Variants in CREM observed in about 807,000 individuals in gnomAD.
CREM encodes the protein cAMP-responsive element modulator.
In CREM, 13 loss-of-function variants were observed where a neutral mutation model predicts 37.3. The observed-to-expected ratio is 0.35, with a 90% confidence interval of 0.23 to 0.55. The LOEUF (loss-of-function observed/expected upper bound fraction) is 0.55, where lower values mean the gene tolerates loss of function less well. Among genes scored for constraint, CREM ranks in the 20% least tolerant of loss-of-function variants. CREM has a pLI of 0.88. For missense variants in CREM, 296 were observed against 362.3 expected (o/e 0.82, Z 1.49); for synonymous variants, 124 against 120.2 (o/e 1.03, Z -0.21).
At chr10:35,170,291 A>C (rs2093748954) in intron 3 of CREM, among the ~76,000 whole-genome samples, 1 of 152,050 alleles carries the variant, frequency 6.6e-6, no homozygotes, top group African/African-American at 2.4e-5. Context: ...GTGCTGCTGG[A>C]TTCAGTTTGC....
At chr10:35,142,152 A>AG (rs2091519644) in intron 2 of CREM, among the ~76,000 whole-genome samples, 1 of 152,154 alleles carries the variant, frequency 6.6e-6, no homozygotes, top group African/African-American at 2.4e-5. Flanking sequence ...GAGAAGGGGA[A>AG]GAGAGGTTCA....
chr10:35,131,127 CAG>C (rs760063973), intron 1 of CREM, among the ~76,000 whole-genome samples: 2 of 152,052 alleles, frequency 1.3e-5, no homozygotes, highest in South Asian at 4.2e-4. Flanking sequence ...ATCCTCTTGT[CAG>C]ACTTTTTTGA....
chr10:35,137,788 T>C lies in CREM; in HGVS notation c.-48T>C. 2 of 1,446,986 alleles carry C rather than the reference T, an allele frequency of 1.4e-6. No individual in the cohort carries two copies. Among genetic ancestry groups the C allele is most frequent in the Non-Finnish European group, 1.9e-6 (2 of 1,067,348 alleles). The allele number at this position is 1,446,986 out of a possible 1,614,324, so 89.6% of individuals were successfully genotyped here. On this transcript the variant is annotated 5_prime_UTR_variant, in exon 2 of 8. Coordinates refer to ENST00000685392, the MANE Select transcript of CREM (RefSeq NM_183011.2). Reference sequence around the variant, plus strand: ...CATTATAATTTTACTGCAGGATAAATAAAGAAAACAGGAAAGGAGGAAAGC... The same window carrying C: ...CATTATAATTTTACTGCAGGATAAACAAAGAAAACAGGAAAGGAGGAAAGC...
intron 6 of CREM, among the ~76,000 whole-genome samples, chr10:35,197,737 G>A (rs1318716477): frequency 6.6e-6 from 1 of 152,194 alleles, no homozygotes; most frequent in Non-Finnish European, 1.5e-5. Context: ...GATTACAGGC[G>A]TGAGCCACCG....
intron 3 of CREM, among the ~76,000 whole-genome samples, chr10:35,158,803 T>TG (rs2093086918): frequency 7.7e-6 from 1 of 129,042 alleles, no homozygotes; most frequent in Non-Finnish European, 1.7e-5. Flanking sequence ...ATAGTGTTTT[T>TG]TTTTTGTTGT....
intron 7 of CREM, among the ~76,000 whole-genome samples, 186 bp downstream of exon 7, chr10:35,207,237 C>T (rs1476086213): frequency 6.6e-6 from 1 of 150,564 alleles, no homozygotes; most frequent in African/African-American, 2.4e-5. Context: ...CTAAAAAATA[C>T]AAAAAAATTC....
At chr10:35,192,654 G>A (rs192100680) in intron 6 of CREM, among the ~76,000 whole-genome samples, 1 of 151,828 alleles carries the variant, frequency 6.6e-6, no homozygotes, top group Non-Finnish European at 1.5e-5. Flanking sequence ...TGGTGTCTGG[G>A]GTCTTTTTAA....
chr10:35,191,237 A>G (rs1455475925), intron 6 of CREM, among the ~76,000 whole-genome samples: 1 of 151,604 alleles, frequency 6.6e-6, no homozygotes, highest in Non-Finnish European at 1.5e-5. Context: ...TTTGTATTGT[A>G]TTTTCTAATT....
At chr10:35,164,682 T>C (rs954498380) in intron 3 of CREM, among the ~76,000 whole-genome samples, 1 of 152,210 alleles carries the variant, frequency 6.6e-6, no homozygotes, top group Non-Finnish European at 1.5e-5. Flanking sequence ...CTCTGACCAT[T>C]GGACTGGAAC....
In CREM at chr10:35,188,642, G is replaced by A. The variant is rs58820392; in HGVS notation, c.598+254G>A. Among the ~76,000 whole-genome samples the A allele has an allele frequency of 7.2e-3, 1,094 of 151,398 alleles. 16 individuals are homozygous for A. Among genetic ancestry groups the A allele is most frequent in the African/African-American group, 0.025 (1,022 of 41,256 alleles). ...CAGAGTAGCATGATAGAAAAAGAGAGATAGAAACATGAATGAATTTTTTTT... is the reference window on the plus strand; with the variant it reads ...CAGAGTAGCATGATAGAAAAAGAGAAATAGAAACATGAATGAATTTTTTTT... On this transcript the variant is annotated intron_variant, in intron 6 of 7. Coordinates refer to ENST00000685392, the MANE Select transcript of CREM (RefSeq NM_183011.2).
chr10:35,197,471 G>A (rs908582742), intron 6 of CREM, among the ~76,000 whole-genome samples: 2 of 138,028 alleles, frequency 1.4e-5, no homozygotes, highest in Non-Finnish European at 3.3e-5. Flanking sequence ...TTTATTTTAT[G>A]AGACGGAGTC....
chr10:35,143,639 A>AT (rs1438180760), intron 2 of CREM, among the ~76,000 whole-genome samples: 1 of 152,178 alleles, frequency 6.6e-6, no homozygotes, highest in African/African-American at 2.4e-5. Context: ...AAGCTTTTAC[A>AT]TCAGGGGCCA....
chr10:35,128,185 C>CTTAGGGG (rs2088383542), intron 1 of CREM, among the ~76,000 whole-genome samples: 1 of 152,140 alleles, frequency 6.6e-6, no homozygotes, highest in Non-Finnish European at 1.5e-5. Flanking sequence ...TATCAGATAC[C>CTTAGGGG]TGAGTTTGAA....
chr10:35,154,146 C>G (rs2092756783), intron 3 of CREM: 1 of 398,404 alleles, frequency 2.5e-6, no homozygotes, highest in Non-Finnish European at 4.4e-6. Flanking sequence ...ACAAGGGATA[C>G]TTGGAAATGT....
intron 3 of CREM, among the ~76,000 whole-genome samples, chr10:35,153,644 A>G (rs1564826947): frequency 6.6e-6 from 1 of 152,220 alleles, no homozygotes; most frequent in Non-Finnish European, 1.5e-5. Context: ...TTTCTGAAGT[A>G]TAATTCTCCA....
intron 3 of CREM, chr10:35,175,810 A>C: frequency 1.9e-6 from 3 of 1,611,696 alleles, no homozygotes; most frequent in Non-Finnish European, 2.5e-6. Context: ...AACAATAACA[A>C]AAAAGGTCCA....
chr10:35,129,625 C>T (rs1463809292), intron 1 of CREM, among the ~76,000 whole-genome samples: 2 of 152,184 alleles, frequency 1.3e-5, no homozygotes, highest in Admixed American at 1.3e-4. Flanking sequence ...CTCAAATGTC[C>T]TGTTCCTTTT....
chr10:35,211,138 A>G, intron 7 of CREM, 116 bp from the exon 8 acceptor site: 1 of 1,073,216 alleles, frequency 9.3e-7, no homozygotes, highest in Non-Finnish European at 1.3e-6. Context: ...GTGGCTTTGT[A>G]CAGTCCTTAC....
chr10:35,136,913 C>T (rs936885692), intron 1 of CREM, among the ~76,000 whole-genome samples: 7 of 151,760 alleles, frequency 4.6e-5, no homozygotes, highest in East Asian at 3.9e-4. Flanking sequence ...CTCAACTTTC[C>T]GCGCTCAAGT....
Sources: allele counts gnomAD v4.1 joint callset (sites outside exome capture counted in the v4.1 genomes callset), GRCh38; gene constraint gnomAD v4.1.1; transcripts MANE v1.5; gene names NCBI Gene and HGNC (gene_info 2026-07-23, HGNC 2026-07-21).